GRM5: variants seen among roughly 807,000 people sequenced by gnomAD.
GRM5 encodes the protein glutamate metabotropic receptor 5.
Under a neutral mutation model 83.1 loss-of-function variants are expected in GRM5, and 19 were observed. The ratio of observed to expected loss-of-function variants is 0.23; its 90% CI spans 0.16 to 0.34. The LOEUF (loss-of-function observed/expected upper bound fraction) is 0.34. Ranked by LOEUF, GRM5 falls within the 10% of genes least tolerant of loss-of-function variation. The pLI is 1.00. For synonymous variants in GRM5, 675 were observed against 633.6 expected (o/e 1.07, Z -0.98); for missense variants, 1,160 against 1,588.3 (o/e 0.73, Z 4.58).
intron 3 of GRM5, among the ~76,000 whole-genome samples, chr11:88,834,760 T>A (rs1944061307): frequency 6.6e-6 from 1 of 152,210 alleles, no homozygotes; most frequent in African/African-American, 2.4e-5. Context: ...AAATTCACCA[T>A]TCAGTAAGAA....
intron 7 of GRM5, among the ~76,000 whole-genome samples, chr11:88,570,571 A>ATATATTTT (rs1405339448): frequency 7.5e-4 from 35 of 46,380 alleles, no homozygotes; most frequent in African/African-American, 4.3e-3. Context: ...ATATATATAT[A>ATATATTTT]TTTTTTTTTT....
intron 8 of GRM5, among the ~76,000 whole-genome samples, chr11:88,530,939 C>A (rs1223586655): frequency 6.6e-6 from 1 of 152,030 alleles, no homozygotes; most frequent in Non-Finnish European, 1.5e-5. Context: ...AAGAAAGAAG[C>A]TTGGTACTCA....
At chr11:88,914,116 G>T (rs1945550445) in intron 2 of GRM5, among the ~76,000 whole-genome samples, 1 of 152,134 alleles carries the variant, frequency 6.6e-6, no homozygotes, top group Non-Finnish European at 1.5e-5. Flanking sequence ...AATGTCTCCA[G>T]TTAGCATACA....
intron 2 of GRM5, among the ~76,000 whole-genome samples, chr11:88,907,299 T>G (rs1945420558): frequency 6.6e-6 from 1 of 152,146 alleles, no homozygotes; most frequent in Non-Finnish European, 1.5e-5. Context: ...AGGCCACAGC[T>G]GGCCACACTC....
intron 2 of GRM5, among the ~76,000 whole-genome samples, chr11:88,964,103 T>C (rs34900674): frequency 0.015 from 2,259 of 152,240 alleles, 48 homozygotes; most frequent in African/African-American, 0.052. Flanking sequence ...ATTTGGGGCC[T>C]TATATATTCA....
chr11:88,748,828 C>T (rs1201291090), intron 3 of GRM5, among the ~76,000 whole-genome samples: 1 of 152,030 alleles, frequency 6.6e-6, no homozygotes, highest in African/African-American at 2.4e-5. Flanking sequence ...TGGAGTGGAC[C>T]CCCAGCAAAC....
rs1367241778 is a variant in GRM5 at position 88,730,826 on chromosome 11, C to A, written c.912-77423G>T. ...AAGTGGAAGTTGAACAATGAGAACA[C>A]ATGGACACAGGGAGGGGAACACCAT... On this transcript the variant is annotated intron_variant, in intron 3 of 9. Coordinates refer to ENST00000305447, the MANE Select transcript of GRM5 (RefSeq NM_001143831.3). Among the ~76,000 whole-genome samples the A allele has an allele frequency of 2.6e-5, 4 of 152,052 alleles. No homozygotes were observed. The South Asian group carries it at 8.3e-4, about 32-fold the overall frequency.
chr11:88,788,778 C>A (rs888689694), intron 3 of GRM5, among the ~76,000 whole-genome samples: 2 of 151,994 alleles, frequency 1.3e-5, no homozygotes, highest in African/African-American at 2.4e-5. Flanking sequence ...AGAAAGGGGG[C>A]TATTAAATTG....
intron 1 of GRM5, among the ~76,000 whole-genome samples, chr11:89,061,999 C>T (rs1354727581): frequency 6.6e-6 from 1 of 152,154 alleles, no homozygotes; most frequent in Admixed American, 6.5e-5. Context: ...CATTTTTCTC[C>T]TAAGAAACTT....
chr11:88,673,708 C>T (rs554559190), intron 3 of GRM5, among the ~76,000 whole-genome samples: 1 of 151,712 alleles, frequency 6.6e-6, no homozygotes, highest in East Asian at 1.9e-4. Context: ...GCTGTTCATA[C>T]TTGAATGTCC....
intron 3 of GRM5, among the ~76,000 whole-genome samples, chr11:88,841,608 G>A (rs748670434): frequency 1.4e-4 from 22 of 152,084 alleles, no homozygotes; most frequent in Admixed American, 1.1e-3. Flanking sequence ...CTTTTCTTTC[G>A]TTATGTTGGT....
rs143877877 is a variant in GRM5, at chr11:88,591,607, T to G, written c.1564-880A>C. Among the ~76,000 whole-genome samples the G allele has an allele frequency of 2.9e-3, 435 of 152,358 alleles. 1 individual carries two copies. Among genetic ancestry groups the G allele is most frequent in the African/African-American group, 9.2e-3 (381 of 41,586 alleles). On this transcript the variant is annotated intron_variant, in intron 6 of 9. Transcript: ENST00000305447. ...CAGAGACAGTAATGATTACACTTTA[T>G]ATTTCTAGTCTTAGATGCTAACTCT...
At chr11:88,826,746 G>A (rs768026937) in intron 3 of GRM5, among the ~76,000 whole-genome samples, 6 of 152,050 alleles carry the variant, frequency 3.9e-5, no homozygotes, top group Non-Finnish European at 5.9e-5. Flanking sequence ...AGAATGCATG[G>A]TAACAAATTC....
chr11:88,843,306 A>G (rs533697262), intron 3 of GRM5, among the ~76,000 whole-genome samples: 1 of 152,262 alleles, frequency 6.6e-6, no homozygotes, highest in South Asian at 2.1e-4. Context: ...ATAATTGTAC[A>G]CATTTATGGC....
intron 8 of GRM5, among the ~76,000 whole-genome samples, chr11:88,534,402 C>T (rs903719403): frequency 7.2e-5 from 11 of 152,158 alleles, no homozygotes; most frequent in Admixed American, 2.0e-4. Context: ...AGTAGCGTGA[C>T]CTGGATGTGA....
At chr11:88,807,162 T>G (rs1304228002) in intron 3 of GRM5, among the ~76,000 whole-genome samples, 1 of 152,168 alleles carries the variant, frequency 6.6e-6, no homozygotes, top group African/African-American at 2.4e-5. Flanking sequence ...GCCATAAACC[T>G]TGACATAGAC....
chr11:88,912,162 C>T lies in GRM5; in HGVS notation c.662-62007G>A, dbSNP rs544055436. 11 of 203,886 alleles carry T rather than the reference C, an allele frequency of 5.4e-5. No homozygotes were observed. In the East Asian group the frequency reaches 1.3e-3, roughly 24 times the overall value. 12.6% of individuals were successfully genotyped at this position (203,886 alleles called of 1,614,324 possible). A position where few individuals can be genotyped will look rare whatever the true frequency, so the allele number is the denominator to read the frequency against. ...TTGAGATTGTGAAGCAGGAGTATTGCTTCAAAAATAACATTGTTATTTTTC... is the reference window on the plus strand; with the variant it reads ...TTGAGATTGTGAAGCAGGAGTATTGTTTCAAAAATAACATTGTTATTTTTC... On this transcript the variant is annotated intron_variant, in intron 2 of 9. Transcript: ENST00000305447.
chr11:88,852,005 T>C (rs1180854727), intron 2 of GRM5, among the ~76,000 whole-genome samples: 3 of 152,254 alleles, frequency 2.0e-5, no homozygotes, highest in Admixed American at 2.0e-4. Flanking sequence ...TAGCTAACTC[T>C]GTTTTTCAAC....
chr11:89,014,062 C>T (rs1198749863), intron 2 of GRM5, among the ~76,000 whole-genome samples: 3 of 152,078 alleles, frequency 2.0e-5, no homozygotes, highest in African/African-American at 7.2e-5. Context: ...GAGATATTTG[C>T]TACATAGTCA....
Sources: allele counts gnomAD v4.1 joint callset (sites outside exome capture counted in the v4.1 genomes callset), GRCh38; gene constraint gnomAD v4.1.1; transcripts MANE v1.5; gene names NCBI Gene and HGNC (gene_info 2026-07-23, HGNC 2026-07-21).